KCNN2: variants seen among roughly 807,000 people sequenced by gnomAD.
KCNN2 encodes the protein small conductance calcium-activated potassium channel protein 2.
Under a neutral mutation model 55.5 loss-of-function variants are expected in KCNN2, and 24 were observed. The observed-to-expected ratio is 0.43, with a 90% confidence interval of 0.31 to 0.61. The LOEUF is 0.61. KCNN2 is among the 20% of genes least tolerant of loss of function. The pLI, the probability that KCNN2 is intolerant of heterozygous loss-of-function variation, is 0.08. For missense variants in KCNN2, 754 were observed against 853.6 expected (o/e 0.88, Z 1.45); for synonymous variants, 431 against 336.1 (o/e 1.28, Z -3.09).
chr5:114,062,664 A>G (rs1320272373), intron 1 of KCNN2, among the ~76,000 whole-genome samples: 1 of 152,210 alleles, frequency 6.6e-6, no homozygotes, highest in Admixed American at 6.5e-5. Context: ...AGTCTCAATT[A>G]CGGTGTGTGT....
intron 2 of KCNN2, among the ~76,000 whole-genome samples, chr5:114,282,608 T>G (rs937531091): frequency 2.6e-5 from 4 of 152,284 alleles, no homozygotes; most frequent in Non-Finnish European, 5.9e-5. Context: ...TCTGTGATCA[T>G]GATTGAGGCT....
intron 2 of KCNN2, among the ~76,000 whole-genome samples, chr5:114,398,118 AATG>A (rs1758674840): frequency 6.6e-6 from 1 of 152,162 alleles, no homozygotes; most frequent in South Asian, 2.1e-4. Context: ...GTATGTCCAG[AATG>A]ATATTTCCTA....
intron 2 of KCNN2, among the ~76,000 whole-genome samples, chr5:114,367,088 T>C (rs1263564910): frequency 6.6e-6 from 1 of 152,212 alleles, no homozygotes; most frequent in Non-Finnish European, 1.5e-5. Flanking sequence ...GACATTTTCA[T>C]GGAGAACCTT....
At chr5:114,456,348 A>G (rs757373429) in intron 3 of KCNN2, among the ~76,000 whole-genome samples, 5 of 152,212 alleles carry the variant, frequency 3.3e-5, no homozygotes, top group African/African-American at 4.8e-5. Context: ...TTATAGCATC[A>G]TTTACTGAAT....
chr5:114,110,516 T>G (rs1274651992), intron 1 of KCNN2, among the ~76,000 whole-genome samples: 1 of 152,022 alleles, frequency 6.6e-6, no homozygotes, highest in Admixed American at 6.6e-5. Context: ...AATCCAAAAA[T>G]ATTGTAGAAT....
chr5:114,190,437 A>G (rs1313666985), intron 1 of KCNN2, among the ~76,000 whole-genome samples: 2 of 152,168 alleles, frequency 1.3e-5, no homozygotes, highest in African/African-American at 2.4e-5. Flanking sequence ...AGCCCCCAAA[A>G]TAATGAGTTA....
chr5:114,123,606 G>T (rs567610481), intron 1 of KCNN2, among the ~76,000 whole-genome samples: 4 of 64,132 alleles, frequency 6.2e-5, no homozygotes, highest in East Asian at 6.1e-4. Flanking sequence ...CTCGTGATCC[G>T]CCCGCCTCGG....
At chr5:114,459,622 A>G (rs1474753269) in intron 3 of KCNN2, among the ~76,000 whole-genome samples, 1 of 152,198 alleles carries the variant, frequency 6.6e-6, no homozygotes, top group East Asian at 1.9e-4. Context: ...CATCTTGAAT[A>G]TTCACAATCA....
intron 1 of KCNN2, among the ~76,000 whole-genome samples, chr5:114,201,905 A>C (rs1487253402): frequency 6.6e-6 from 1 of 151,386 alleles, no homozygotes; most frequent in African/African-American, 2.4e-5. Flanking sequence ...GGCACCACTC[A>C]GCATTGAACT....
At chr5:114,142,852 T>C (rs1286157806) in intron 1 of KCNN2, among the ~76,000 whole-genome samples, 2 of 152,104 alleles carry the variant, frequency 1.3e-5, no homozygotes, top group African/African-American at 2.4e-5. Flanking sequence ...CTTCACAGAA[T>C]TGTAAAAAAC....
At chr5:114,203,736 G>A (rs1240892129) in intron 1 of KCNN2, among the ~76,000 whole-genome samples, 1 of 152,194 alleles carries the variant, frequency 6.6e-6, no homozygotes, top group Non-Finnish European at 1.5e-5. Context: ...AAGGCCATAA[G>A]AACAGTGGAG....
At chr5:114,268,313 C>T (rs1293213629) in intron 2 of KCNN2, among the ~76,000 whole-genome samples, 1 of 152,164 alleles carries the variant, frequency 6.6e-6, no homozygotes, top group African/African-American at 2.4e-5. Flanking sequence ...GATTATTATC[C>T]TTTCAACACA....
intron 1 of KCNN2, among the ~76,000 whole-genome samples, chr5:114,083,550 A>C (rs1157617633): frequency 6.6e-6 from 1 of 152,068 alleles, no homozygotes; most frequent in Non-Finnish European, 1.5e-5. Flanking sequence ...ATTTTGGAAA[A>C]ATTTTAGGTT....
chr5:114,117,829 C>G (rs1751737374), intron 1 of KCNN2, among the ~76,000 whole-genome samples: 1 of 152,182 alleles, frequency 6.6e-6, no homozygotes, highest in Non-Finnish European at 1.5e-5. Flanking sequence ...CATTTAATCC[C>G]TTGATCTTCA....
intron 3 of KCNN2, among the ~76,000 whole-genome samples, chr5:114,440,992 T>A (rs980257903): frequency 3.3e-5 from 5 of 152,022 alleles, no homozygotes; most frequent in African/African-American, 1.2e-4. Flanking sequence ...AATAAAAGAT[T>A]GGAAAAGATA....
intron 1 of KCNN2, among the ~76,000 whole-genome samples, chr5:114,125,486 G>A (rs530134032): frequency 6.6e-6 from 1 of 152,254 alleles, no homozygotes; most frequent in East Asian, 1.9e-4. Flanking sequence ...AAAGCAAGTA[G>A]GAAAGCTCTC....
At chr5:114,205,435 C>G (rs1753749793) in intron 1 of KCNN2, among the ~76,000 whole-genome samples, 1 of 152,146 alleles carries the variant, frequency 6.6e-6, no homozygotes, top group South Asian at 2.1e-4. Flanking sequence ...CATTCCCATG[C>G]CACTTAGAGT....
At chr5:114,115,801 G>C (rs189420565) in intron 1 of KCNN2, among the ~76,000 whole-genome samples, 25 of 152,024 alleles carry the variant, frequency 1.6e-4, no homozygotes, top group African/African-American at 5.8e-4. Context: ...CTAGATTTGC[G>C]AGGAATAAGC....
intron 3 of KCNN2, among the ~76,000 whole-genome samples, chr5:114,454,140 A>C (rs976475600): frequency 6.6e-6 from 1 of 152,198 alleles, no homozygotes; most frequent in Non-Finnish European, 1.5e-5. Context: ...ATGTCCCTGC[A>C]AAGGACATGA....
Sources: gnomAD v4.1 joint callset for allele counts (sites outside exome capture counted in the v4.1 genomes callset) on GRCh38, gnomAD v4.1.1 for gene constraint, MANE v1.5 for transcripts, NCBI Gene and HGNC (gene_info 2026-07-23, HGNC 2026-07-21) for gene names.